The following CSMD1 variants were observed in gnomAD, a reference collection of about 807,000 sequenced individuals.
CSMD1 encodes CUB and sushi domain-containing protein 1.
CSMD1 carries 213 observed loss-of-function variants against 417.5 expected under a neutral mutation model. The observed-to-expected ratio is 0.51, with a 90% CI of 0.46 to 0.57. The LOEUF (loss-of-function observed/expected upper bound fraction) is 0.57. CSMD1 is among the 20% of genes least tolerant of loss of function. The pLI, the probability that CSMD1 is intolerant of heterozygous loss-of-function variation, is 0.00. For missense variants in CSMD1, 6,923 were observed against 4,529.7 expected (o/e 1.53, Z -15.17); for synonymous variants, 2,862 against 1,736.8 (o/e 1.65, Z -16.11).
intron 54 of CSMD1, among the ~76,000 whole-genome samples, chr8:2,997,409 T>A (rs1368350953): frequency 1.3e-5 from 2 of 152,216 alleles, no homozygotes; most frequent in Non-Finnish European, 2.9e-5. Flanking sequence ...CATTGATAAG[T>A]TCCTGGCTTC....
At chr8:3,307,670 A>T (rs539649385) in intron 25 of CSMD1, 25 bp downstream of exon 25, 9 of 1,609,298 alleles carry the variant, frequency 5.6e-6, no homozygotes. Context: ...TTCTCAAATC[A>T]CTGAAACCAA....
chr8:4,198,370 G>T (rs767993548), intron 3 of CSMD1, among the ~76,000 whole-genome samples: 1 of 152,202 alleles, frequency 6.6e-6, no homozygotes, highest in East Asian at 1.9e-4. Context: ...CCTGAACTTT[G>T]TCCTACACTG....
At position 3,157,891 on chromosome 8, in the gene CSMD1, C is replaced by G. The variant is rs1275526285; in HGVS notation, c.5914+6G>C. 1 of 1,550,638 alleles carries G rather than the reference C, an allele frequency of 6.4e-7. No homozygotes were observed. The highest frequency in any genetic ancestry group is 1.4e-5 in the African/African-American group (1 of 73,024). On this transcript the variant is annotated splice_donor_region_variant and intron_variant, in intron 39 of 69. Coordinates refer to ENST00000635120, the MANE Select transcript of CSMD1 (RefSeq NM_033225.6). Reference sequence around the variant, plus strand: ...AGCAGCAGAGTTACAGAAGGTGCATCCTTACCAATGCACAGGGGAGACGGA... The same window carrying G: ...AGCAGCAGAGTTACAGAAGGTGCATGCTTACCAATGCACAGGGGAGACGGA...
At chr8:4,561,390 A>G (rs558515083) in intron 2 of CSMD1, among the ~76,000 whole-genome samples, 1 of 152,258 alleles carries the variant, frequency 6.6e-6, no homozygotes, top group East Asian at 1.9e-4. Flanking sequence ...AAACAAAACA[A>G]AAAAAATTCT....
intron 1 of CSMD1, among the ~76,000 whole-genome samples, chr8:4,985,421 G>A (rs1025134083): frequency 1.2e-4 from 19 of 152,176 alleles, no homozygotes; most frequent in Middle Eastern, 3.4e-3. Context: ...GGGCCCATGC[G>A]TTACAGTTAT....
intron 2 of CSMD1, among the ~76,000 whole-genome samples, chr8:4,470,223 T>C (rs1800446726): frequency 6.6e-6 from 1 of 152,058 alleles, no homozygotes; most frequent in Non-Finnish European, 1.5e-5. Context: ...GCCTCTGATA[T>C]TTTTCAGCCC....
At chr8:3,442,736 TAC>T (rs1370262952) in intron 12 of CSMD1, among the ~76,000 whole-genome samples, 2 of 152,206 alleles carry the variant, frequency 1.3e-5, no homozygotes, top group Non-Finnish European at 2.9e-5. Flanking sequence ...CATGTATATA[TAC>T]ACACACATAC....
intron 3 of CSMD1, among the ~76,000 whole-genome samples, chr8:4,204,649 A>G (rs1004705499): frequency 2.0e-5 from 3 of 152,118 alleles, no homozygotes; most frequent in Non-Finnish European, 2.9e-5. Context: ...ATTATTTTAT[A>G]AAAATTATTA....
At chr8:4,396,309 A>G (rs1486662277) in intron 3 of CSMD1, among the ~76,000 whole-genome samples, 1 of 150,172 alleles carries the variant, frequency 6.7e-6, no homozygotes, top group Non-Finnish European at 1.5e-5. Flanking sequence ...AAAGTAAAAA[A>G]AAAAAAAAAT....
At chr8:4,027,324 G>T (rs552806217) in intron 4 of CSMD1, among the ~76,000 whole-genome samples, 1 of 152,146 alleles carries the variant, frequency 6.6e-6, no homozygotes. Flanking sequence ...ATGATGGTAT[G>T]CTTTGGCTGT....
intron 26 of CSMD1, among the ~76,000 whole-genome samples, chr8:3,277,125 G>A (rs1431880181): frequency 2.0e-5 from 3 of 152,140 alleles, no homozygotes; most frequent in Admixed American, 2.0e-4. Flanking sequence ...GCTAGCATCT[G>A]AGTAGAGGTT....
chr8:4,057,118 T>A (rs1186053851), intron 3 of CSMD1, among the ~76,000 whole-genome samples: 4 of 152,214 alleles, frequency 2.6e-5, no homozygotes, highest in African/African-American at 9.7e-5. Context: ...CACACTGACT[T>A]CCACAAGGGT....
At chr8:4,739,481 T>A (rs1261997207) in intron 1 of CSMD1, among the ~76,000 whole-genome samples, 1 of 152,224 alleles carries the variant, frequency 6.6e-6, no homozygotes, top group African/African-American at 2.4e-5. Context: ...TTTGTTGTAA[T>A]GATAGATGAA....
At chr8:4,453,368 G>A (rs890936136) in intron 2 of CSMD1, among the ~76,000 whole-genome samples, 11 of 152,160 alleles carry the variant, frequency 7.2e-5, no homozygotes, top group African/African-American at 2.2e-4. Flanking sequence ...GGGATTGGGG[G>A]TCTCCTGGGC....
intron 9 of CSMD1, among the ~76,000 whole-genome samples, chr8:3,584,132 A>G (rs1055280318): frequency 2.0e-5 from 3 of 152,202 alleles, no homozygotes; most frequent in African/African-American, 7.2e-5. Flanking sequence ...TATTAGAAGT[A>G]ATAAACTTAA....
chr8:4,730,706 A>T (rs1170244420), intron 1 of CSMD1, among the ~76,000 whole-genome samples: 1 of 151,998 alleles, frequency 6.6e-6, no homozygotes, highest in Non-Finnish European at 1.5e-5. Flanking sequence ...GTGCCACTGC[A>T]CTCCAGCCTG....
chr8:3,285,814 C>T lies in CSMD1; in HGVS notation c.3951-1468G>A, dbSNP rs957529501. Among the ~76,000 whole-genome samples, 13 of 151,208 alleles carry T rather than the reference C, an allele frequency of 8.6e-5. No homozygotes were observed. In the South Asian group the frequency reaches 2.1e-3, roughly 24 times the overall value. On this transcript the variant is annotated intron_variant, in intron 25 of 69. Transcript: ENST00000635120. The stretch of plus-strand genomic sequence containing the variant: ...CTCTGAAGTTGTAATGTAATATCCC[C>T]ATTTGTGTATATATATATATATTTT...
intron 3 of CSMD1, among the ~76,000 whole-genome samples, chr8:4,394,237 ATTCT>A (rs1563127555): frequency 6.6e-6 from 1 of 152,312 alleles, no homozygotes; most frequent in East Asian, 1.9e-4. Context: ...TAATTATTTT[ATTCT>A]TTCATAAGAA....
chr8:4,349,936 C>G (rs1027222704), intron 3 of CSMD1, among the ~76,000 whole-genome samples: 3 of 151,446 alleles, frequency 2.0e-5, no homozygotes, highest in Non-Finnish European at 4.4e-5. Flanking sequence ...TTTATACTGC[C>G]AAACTTTAAC....
Sources: gnomAD v4.1 joint callset for allele counts (sites outside exome capture counted in the v4.1 genomes callset) on GRCh38, gnomAD v4.1.1 for gene constraint, MANE v1.5 for transcripts, NCBI Gene and HGNC (gene_info 2026-07-23, HGNC 2026-07-21) for gene names.